Variants in HERC1 observed in about 807,000 individuals in gnomAD.
HERC1 encodes the protein HECT and RLD domain containing E3 ubiquitin protein ligase family member 1.
In HERC1, 160 loss-of-function variants were observed where a neutral mutation model predicts 554.3. That is an observed-to-expected ratio of 0.29 (90% confidence interval 0.25 to 0.33). The LOEUF (loss-of-function observed/expected upper bound fraction) is 0.33, where lower values mean the gene tolerates loss of function less well. HERC1 is among the 10% of genes least tolerant of loss of function. The pLI is 1.00. For synonymous variants in HERC1, 2,175 were observed against 2,131.7 expected (o/e 1.02, Z -0.56); for missense variants, 4,919 against 5,918.5 (o/e 0.83, Z 5.54).
intron 2 of HERC1, among the ~76,000 whole-genome samples, chr15:63,773,539 TA>T (rs1403141681): frequency 1.3e-5 from 2 of 151,916 alleles, no homozygotes; most frequent in South Asian, 2.1e-4. Context: ...ATTTGTATTT[TA>T]TTTTTTTTTA....
At chr15:63,663,846 G>A (rs2070479762) in intron 43 of HERC1, among the ~76,000 whole-genome samples, 1 of 152,162 alleles carries the variant, frequency 6.6e-6, no homozygotes, top group South Asian at 2.1e-4. Context: ...AATTATATGA[G>A]AAATATACAG....
intron 1 of HERC1, among the ~76,000 whole-genome samples, chr15:63,820,863 C>G (rs1433566231): frequency 2.0e-5 from 3 of 152,006 alleles, no homozygotes; most frequent in Non-Finnish European, 4.4e-5. Context: ...AAATAACTTA[C>G]CAGAAACAAG....
At chr15:63,784,208 TTC>T (rs2076371376) in intron 1 of HERC1, among the ~76,000 whole-genome samples, 1 of 152,184 alleles carries the variant, frequency 6.6e-6, no homozygotes, top group South Asian at 2.1e-4. Context: ...CTAAAATATG[TTC>T]TTTTTAAGTA....
rs984899981 is a variant in HERC1, at chr15:63,643,554, A to G, written c.11185-4T>C. ...CTGATGATTTCCTATATCCATCCTG[A>G]AATTCATTATTTTTAACATGCATTA... On this transcript the variant is annotated splice_region_variant and splice_polypyrimidine_tract_variant and intron_variant, in intron 57 of 77. Coordinates refer to ENST00000443617, the MANE Select transcript of HERC1 (RefSeq NM_003922.4). 2.6e-6 allele frequency: 4 copies of G among 1,564,424 alleles called. No homozygotes were observed. Among genetic ancestry groups the G allele is most frequent in the Non-Finnish European group, 3.5e-6 (4 of 1,153,910 alleles).
At chr15:63,684,229 C>T (rs866802586) in intron 34 of HERC1, among the ~76,000 whole-genome samples, 27 of 152,200 alleles carry the variant, frequency 1.8e-4, no homozygotes, top group Admixed American at 9.8e-4. Context: ...CAACAAGGGA[C>T]TGATCAATTG....
At chr15:63,742,352 C>T (rs921438155) in intron 12 of HERC1, among the ~76,000 whole-genome samples, 1 of 152,126 alleles carries the variant, frequency 6.6e-6, no homozygotes, top group Non-Finnish European at 1.5e-5. Context: ...CTGCTGAACT[C>T]GTTTATTAGC....
At chr15:63,645,156 T>C (rs1246915288) in intron 56 of HERC1, 59 bp from the exon 57 acceptor site, 3 of 1,236,646 alleles carry the variant, frequency 2.4e-6, no homozygotes, top group Non-Finnish European at 3.6e-6. Flanking sequence ...GTAAAAATAT[T>C]TCCGAATTGC....
chr15:63,639,982 G>A (rs2068963973), intron 61 of HERC1, among the ~76,000 whole-genome samples, 170 bp downstream of exon 61: 1 of 146,942 alleles, frequency 6.8e-6, no homozygotes, highest in South Asian at 2.2e-4. Context: ...CACTATGGAG[G>A]CCTGCCATCA....
At chr15:63,617,046 C>T (rs921145198) in intron 74 of HERC1, among the ~76,000 whole-genome samples, 5 of 151,438 alleles carry the variant, frequency 3.3e-5, no homozygotes, top group Admixed American at 3.3e-4. Context: ...TTTTAGGGTA[C>T]ATGTGCACAA....
At chr15:63,649,225 T>C (rs1566971762) in intron 54 of HERC1, among the ~76,000 whole-genome samples, 2 of 151,984 alleles carry the variant, frequency 1.3e-5, no homozygotes, top group African/African-American at 4.8e-5. Flanking sequence ...TGGTGGCGAG[T>C]GCCTGTAATC....
intron 46 of HERC1, among the ~76,000 whole-genome samples, chr15:63,660,471 G>T (rs2070298763): frequency 6.6e-6 from 1 of 152,190 alleles, no homozygotes; most frequent in African/African-American, 2.4e-5. Flanking sequence ...GACTCTCAGG[G>T]AAAGGGAGTC....
chr15:63,744,162 GTGTCTCTCTC>G (rs1168522555), intron 12 of HERC1, among the ~76,000 whole-genome samples: 12 of 35,762 alleles, frequency 3.4e-4, no homozygotes, highest in African/African-American at 9.9e-4. Flanking sequence ...GTGTGTGTGT[GTGTCTCTCTC>G]TCTCTCTCTC....
intron 54 of HERC1, among the ~76,000 whole-genome samples, chr15:63,649,090 C>T (rs2069514916): frequency 6.6e-6 from 1 of 152,194 alleles, no homozygotes; most frequent in South Asian, 2.1e-4. Flanking sequence ...CACGGTGGCT[C>T]ACGCCTGTAA....
At chr15:63,732,853 G>T in intron 14 of HERC1, 71 bp downstream of exon 14, 2 of 1,034,194 alleles carry the variant, frequency 1.9e-6, no homozygotes, top group Non-Finnish European at 2.9e-6. Flanking sequence ...GTGTTTAAAT[G>T]TCAAAATACC....
intron 1 of HERC1, among the ~76,000 whole-genome samples, chr15:63,808,241 A>C (rs1268025192): frequency 6.6e-6 from 1 of 152,156 alleles, no homozygotes; most frequent in African/African-American, 2.4e-5. Flanking sequence ...ATTCTGAATA[A>C]CGGCTGCTAT....
intron 2 of HERC1, among the ~76,000 whole-genome samples, chr15:63,770,682 C>T (rs2075924844): frequency 6.6e-6 from 1 of 152,058 alleles, no homozygotes; most frequent in Admixed American, 6.6e-5. Context: ...TACAATTTAC[C>T]GATTGAACTT....
At chr15:63,752,124 G>C (rs2075269438) in intron 8 of HERC1, among the ~76,000 whole-genome samples, 1 of 152,170 alleles carries the variant, frequency 6.6e-6, no homozygotes, top group South Asian at 2.1e-4. Context: ...GCAGCAACTA[G>C]CTAATGTAAT....
chr15:63,650,987 A>T (rs2069645077), intron 53 of HERC1, among the ~76,000 whole-genome samples: 1 of 152,200 alleles, frequency 6.6e-6, no homozygotes, highest in South Asian at 2.1e-4. Flanking sequence ...CATCTCCCCA[A>T]ACCCTACTCT....
chr15:63,667,824 G>C (rs2070717854), intron 40 of HERC1, among the ~76,000 whole-genome samples: 1 of 152,136 alleles, frequency 6.6e-6, no homozygotes, highest in African/African-American at 2.4e-5. Flanking sequence ...ACTTACATGT[G>C]GATTTTCTTC....
Sources: allele counts gnomAD v4.1 joint callset (sites outside exome capture counted in the v4.1 genomes callset), GRCh38; gene constraint gnomAD v4.1.1; transcripts MANE v1.5; gene names NCBI Gene and HGNC (gene_info 2026-07-23, HGNC 2026-07-21).